MED17: variants seen among roughly 807,000 people sequenced by gnomAD.
MED17 encodes mediator complex subunit 17.
In MED17, 49 loss-of-function variants were observed where a neutral mutation model predicts 80.8. The observed-to-expected ratio is 0.61, with a 90% CI of 0.48 to 0.77. The LOEUF (loss-of-function observed/expected upper bound fraction) is 0.77, where lower values mean the gene tolerates loss of function less well. MED17 is among the 30% of genes least tolerant of loss of function. MED17 has a pLI of 0.00. For missense variants in MED17, 718 were observed against 787.0 expected, an observed-to-expected ratio of 0.91 and a Z score of 1.05; for synonymous variants, 281 against 280.4, an observed-to-expected ratio of 1.00 and a Z score of -0.02.
chr11:93,784,840 G>A (rs1247958252), intron 1 of MED17, 77 bp downstream of exon 1: 2 of 1,517,724 alleles, frequency 1.3e-6, no homozygotes, highest in South Asian at 2.4e-5. Flanking sequence ...CTCCCGCGAT[G>A]GGGGTGATCT....
At chr11:93,802,267 T>C (rs1037212669) in intron 9 of MED17, among the ~76,000 whole-genome samples, 10 of 152,236 alleles carry the variant, frequency 6.6e-5, no homozygotes, top group Non-Finnish European at 1.5e-4. Flanking sequence ...CATGCCCAGC[T>C]AATTAAAAAA....
chr11:93,797,369 A>C, intron 7 of MED17, 166 bp from the exon 8 acceptor site: 2 of 668,144 alleles, frequency 3.0e-6, no homozygotes, highest in Non-Finnish European at 5.3e-6. Context: ...ACAGTCTTGC[A>C]TTATGTGTGA....
Position 93,811,870 on chromosome 11 carries a change from A to G in MED17, c.1762A>G (p.Ser588Gly), listed in dbSNP as rs1944088094. The change falls in exon 12 of 12, where the codon AGT becomes GGT. Residue 588 changes from serine to glycine, a missense_variant. Ser to Gly is a moderately conservative substitution (Grantham distance 56, BLOSUM62 0). Transcript: ENST00000251871. ...YAISVRNGPE[S>G]GSKIMVQFPR... Reference sequence around the variant, plus strand: ...CTCCACAGTTCGTAATGGACCTGAAAGTGGCAGCAAGATTATGGTTCAGTT... The same window carrying G: ...CTCCACAGTTCGTAATGGACCTGAAGGTGGCAGCAAGATTATGGTTCAGTT... 2 of 1,614,164 alleles carry G rather than the reference A, an allele frequency of 1.2e-6. No homozygotes were observed. The highest frequency in any genetic ancestry group is 1.7e-6 in the Non-Finnish European group (2 of 1,180,030).
At position 93,812,095 on chromosome 11, in the gene MED17, C is replaced by T. The variant is rs1166437368; in HGVS notation, c.*31C>T. The T allele has an allele frequency of 2.5e-6, 4 of 1,585,948 alleles. No homozygotes were observed. Among genetic ancestry groups the T allele is most frequent in the Middle Eastern group, 3.4e-4 (2 of 5,890 alleles). On this transcript the variant is annotated 3_prime_UTR_variant, in exon 12 of 12. Coordinates refer to ENST00000251871, the MANE Select transcript of MED17 (RefSeq NM_004268.5). ...TCCAGATGTTTCCTAAAGAAGTTTC[C>T]AGAAACTTTGACTTGAAATGTTTGC...
chr11:93,787,142 A>G lies in MED17; in HGVS notation c.251-859A>G, dbSNP rs146565876. 1.4e-3 allele frequency among the ~76,000 whole-genome samples: 208 copies of G among 152,272 alleles called. 1 individual carries two copies. The highest frequency in any genetic ancestry group is 4.1e-3 in the African/African-American group (172 of 41,562). On this transcript the variant is annotated intron_variant, in intron 1 of 11. Coordinates refer to ENST00000251871, the MANE Select transcript of MED17 (RefSeq NM_004268.5). ...GGGTACACTCACTGGGGCCGGGCGCAGTGGCTCACGTCTGTAATCCCAGCA... is the reference window on the plus strand; with the variant it reads ...GGGTACACTCACTGGGGCCGGGCGCGGTGGCTCACGTCTGTAATCCCAGCA...
intron 8 of MED17, chr11:93,800,633 A>G (rs1943952896): frequency 6.6e-6 from 1 of 151,692 alleles, no homozygotes; most frequent in Non-Finnish European, 1.5e-5. Context: ...TGTCTCAAAA[A>G]AAAAAAAAAA....
chr11:93,794,295 C>T (rs1943877562), intron 5 of MED17: 6 of 354,640 alleles, frequency 1.7e-5, no homozygotes, highest in South Asian at 2.6e-5. Context: ...ACGTCTACCT[C>T]CCAGGTTCAA....
At chr11:93,810,177 A>AT (rs1218057805) in intron 11 of MED17, 1 of 380,422 alleles carries the variant, frequency 2.6e-6, no homozygotes. Flanking sequence ...CTTTAAAAAA[A>AT]ATATATACTG....
At chr11:93,789,242 T>G (rs1018008684) in intron 2 of MED17, 3 of 152,234 alleles carry the variant, frequency 2.0e-5, no homozygotes, top group African/African-American at 7.2e-5. Flanking sequence ...GCTGGGGGAC[T>G]AATAGAGTTC....
chr11:93,802,067 A>G (rs1943968962), intron 9 of MED17, 95 bp downstream of exon 9: 1 of 1,155,158 alleles, frequency 8.7e-7, no homozygotes, highest in African/African-American at 1.5e-5. Context: ...TTTATTTGCT[A>G]GGGTGGCATA....
chr11:93,810,293 T>C (rs1230145372), intron 11 of MED17: 1 of 153,302 alleles, frequency 6.5e-6, no homozygotes, highest in Non-Finnish European at 1.5e-5. Context: ...AAAAAAATAG[T>C]AACAGTTTTT....
In MED17 at chr11:93,784,999, CA is replaced by C. The variant is rs901656123; in HGVS notation, c.250+239del. 1.1e-5 allele frequency: 7 copies of C among 617,698 alleles called. No homozygotes were observed. The African/African-American group carries it at 1.3e-4, about 11-fold the overall frequency. 38.3% of individuals were successfully genotyped at this position (617,698 alleles called of 1,614,324 possible). A position where few individuals can be genotyped will look rare whatever the true frequency, so the allele number is the denominator to read the frequency against. On this transcript the variant is annotated intron_variant, in intron 1 of 11. Coordinates refer to ENST00000251871, the MANE Select transcript of MED17 (RefSeq NM_004268.5). The stretch of plus-strand genomic sequence containing the variant: ...GAATGGCAGCGTTTAGAGACACTGT[CA>C]AACCGTGAAATGTTTAAATGAATGC...
intron 1 of MED17, 93 bp downstream of exon 1, chr11:93,784,856 G>T: frequency 3.4e-6 from 5 of 1,490,244 alleles, no homozygotes; most frequent in Non-Finnish European, 4.5e-6. Context: ...GATCTTGTGC[G>T]TGCGAGAACT....
chr11:93,789,643 T>C (rs895537131), intron 2 of MED17: 2 of 152,142 alleles, frequency 1.3e-5, no homozygotes, highest in African/African-American at 4.8e-5. Flanking sequence ...CTGATCAGTT[T>C]TCCAAAAAAT....
At chr11:93,794,419 G>A (rs985665738) in intron 5 of MED17, 14 of 256,446 alleles carry the variant, frequency 5.5e-5, no homozygotes, top group African/African-American at 2.8e-4. Context: ...GGTCAGGCTG[G>A]TCTCGAACAC....
Position 93,784,390 on chromosome 11 carries a change from G to A in MED17, c.-124G>A. 1.6e-6 allele frequency: 2 copies of A among 1,283,250 alleles called. No individual in the cohort carries two copies. Among genetic ancestry groups the A allele is most frequent in the Admixed American group, 2.8e-5 (1 of 36,186 alleles). 79.5% of individuals were successfully genotyped at this position (1,283,250 alleles called of 1,614,324 possible). A position where few individuals can be genotyped will look rare whatever the true frequency, so the allele number is the denominator to read the frequency against. ...CTGAGCGTTGCGTTCGGTTTCCCGA[G>A]GGTCTTCTGAGGCACCGCGGCTGCG... On this transcript the variant is annotated 5_prime_UTR_variant, in exon 1 of 12. Transcript: ENST00000251871.
At chr11:93,808,369 T>TAAAAAAAAAAAAAAAAAAAAA (rs137922903) in intron 10 of MED17, 1 of 107,722 alleles carries the variant, frequency 9.3e-6, no homozygotes, top group Admixed American at 1.0e-4. Flanking sequence ...CATCTCTTTT[T>TAAAAAAAAAAAAAAAAAAAAA]AAAAAAAAAA....
At position 93,793,921 on chromosome 11, in the gene MED17, T is replaced by C. The variant is rs549297140; in HGVS notation, c.775-30T>C. The C allele has an allele frequency of 2.5e-6, 4 of 1,613,388 alleles. No individual in the cohort carries two copies. In the African/African-American group the frequency reaches 5.3e-5, roughly 22 times the overall value. On this transcript the variant is annotated intron_variant, in intron 4 of 11. Coordinates refer to ENST00000251871, the MANE Select transcript of MED17 (RefSeq NM_004268.5). The stretch of plus-strand genomic sequence containing the variant: ...TTACGAATAGCCTGAAGTTAATTTG[T>C]TAACTTTTTTTGTTTTTGTTGTCAT...
intron 1 of MED17, among the ~76,000 whole-genome samples, chr11:93,786,163 TC>T (rs998162686): frequency 6.6e-6 from 1 of 152,212 alleles, no homozygotes; most frequent in African/African-American, 2.4e-5. Context: ...GTTGATATCT[TC>T]TCTATTCAAA....
Sources: gnomAD v4.1 joint callset for allele counts (sites outside exome capture counted in the v4.1 genomes callset) on GRCh38, gnomAD v4.1.1 for gene constraint, MANE v1.5 for transcripts, NCBI Gene and HGNC (gene_info 2026-07-23, HGNC 2026-07-21) for gene names.